MSL2: variants seen among roughly 807,000 people sequenced by gnomAD.
MSL2 encodes the protein MSL complex subunit 2, also known as E3 ubiquitin-protein ligase MSL2.
Under a neutral mutation model 35.8 loss-of-function variants are expected in MSL2, and 2 were observed. The observed-to-expected ratio is 0.06, with a 90% CI of 0.02 to 0.18. The LOEUF is 0.18. Among genes scored for constraint, MSL2 ranks in the 10% least tolerant of loss-of-function variants. The pLI, the probability that MSL2 is intolerant of heterozygous loss-of-function variation, is 1.00. For synonymous variants in MSL2, 296 were observed against 255.7 expected (o/e 1.16, Z -1.50); for missense variants, 523 against 706.7 (o/e 0.74, Z 2.95).
At chr3:136,188,377 T>A (rs112603876) in intron 1 of MSL2, among the ~76,000 whole-genome samples, 1 of 148,552 alleles carries the variant, frequency 6.7e-6, no homozygotes, top group Non-Finnish European at 1.5e-5. Context: ...GAGGTTGCAG[T>A]GAGCCGAGAT....
chr3:136,181,458 T>TA (rs1940360474), intron 1 of MSL2, among the ~76,000 whole-genome samples: 1 of 152,202 alleles, frequency 6.6e-6, no homozygotes, highest in Non-Finnish European at 1.5e-5. Flanking sequence ...TAAAGGAAGA[T>TA]AAACATTTAA....
intron 1 of MSL2, among the ~76,000 whole-genome samples, chr3:136,177,534 C>T (rs563136791): frequency 6.6e-6 from 1 of 151,958 alleles, no homozygotes; most frequent in Admixed American, 6.6e-5. Flanking sequence ...ACAAAATTAG[C>T]CGGGCATGGT....
intron 1 of MSL2, among the ~76,000 whole-genome samples, chr3:136,189,108 CAAAAA>C (rs372715974): frequency 1.0e-4 from 4 of 38,606 alleles, no homozygotes; most frequent in African/African-American, 4.0e-4. Flanking sequence ...CCTGTCTCTA[CAAAAA>C]AAAAAAAAAA....
chr3:136,168,296 A>AC (rs1225134696), intron 1 of MSL2, among the ~76,000 whole-genome samples: 2 of 152,208 alleles, frequency 1.3e-5, no homozygotes, highest in Non-Finnish European at 2.9e-5. Flanking sequence ...AAATGGGATA[A>AC]CAACAGTCGT....
chr3:136,174,527 T>C (rs958801219), intron 1 of MSL2, among the ~76,000 whole-genome samples: 1 of 151,832 alleles, frequency 6.6e-6, no homozygotes, highest in African/African-American at 2.4e-5. Context: ...AAAGAAGAAA[T>C]AGGAACAGGT....
At chr3:136,163,011 T>A (rs1333839058) in intron 1 of MSL2, among the ~76,000 whole-genome samples, 1 of 151,676 alleles carries the variant, frequency 6.6e-6, no homozygotes, top group Non-Finnish European at 1.5e-5. Context: ...GGAAAGTTGT[T>A]AAGAGAGAAA....
intron 1 of MSL2, among the ~76,000 whole-genome samples, chr3:136,182,420 G>A (rs531553828): frequency 6.6e-6 from 1 of 152,250 alleles, no homozygotes; most frequent in Non-Finnish European, 1.5e-5. Context: ...AAATATTGAC[G>A]AACAGGCGGC....
chr3:136,192,806 T>C (rs1250036455), intron 1 of MSL2, among the ~76,000 whole-genome samples: 1 of 152,312 alleles, frequency 6.6e-6, no homozygotes, highest in East Asian at 1.9e-4. Flanking sequence ...AGACTGCCCA[T>C]CCACGAATTT....
intron 1 of MSL2, among the ~76,000 whole-genome samples, chr3:136,190,635 T>G (rs568425795): frequency 6.6e-6 from 1 of 152,322 alleles, no homozygotes; most frequent in South Asian, 2.1e-4. Context: ...CCATTTAACA[T>G]GACCCTCCAA....
At position 136,195,451 on chromosome 3, in the gene MSL2, C is replaced by A; in HGVS notation, c.-338G>T. 1 of 1,043,644 alleles carries A rather than the reference C, an allele frequency of 9.6e-7. No homozygotes were observed. Among genetic ancestry groups the A allele is most frequent in the Non-Finnish European group, 1.2e-6 (1 of 867,088 alleles). 64.6% of individuals were successfully genotyped at this position (1,043,644 alleles called of 1,614,324 possible). Reference sequence around the variant, plus strand: ...AGCTCAGTCTAGCCCCGCGGCTCGGCAGGCGGCCTGCACTCGAGCTCCATC... The same window carrying A: ...AGCTCAGTCTAGCCCCGCGGCTCGGAAGGCGGCCTGCACTCGAGCTCCATC... On this transcript the variant is annotated 5_prime_UTR_variant, in exon 1 of 2. Coordinates refer to ENST00000309993, the MANE Select transcript of MSL2 (RefSeq NM_018133.4).
At chr3:136,164,466 T>G (rs1314706185) in intron 1 of MSL2, among the ~76,000 whole-genome samples, 2 of 152,214 alleles carry the variant, frequency 1.3e-5, no homozygotes, top group African/African-American at 4.8e-5. Flanking sequence ...GCAAACTAAC[T>G]TTATGCACTC....
intron 1 of MSL2, among the ~76,000 whole-genome samples, chr3:136,169,692 A>G (rs377569438): frequency 1.9e-3 from 288 of 152,006 alleles, no homozygotes; most frequent in African/African-American, 6.6e-3. Flanking sequence ...ACCTCAGGTG[A>G]TCCACCTGCC....
chr3:136,165,760 A>G (rs1324313545), intron 1 of MSL2, among the ~76,000 whole-genome samples: 1 of 152,180 alleles, frequency 6.6e-6, no homozygotes, highest in African/African-American at 2.4e-5. Flanking sequence ...CCAGATTAAG[A>G]TTTAATTGTT....
chr3:136,170,186 T>A (rs1052844449), intron 1 of MSL2, among the ~76,000 whole-genome samples: 2 of 150,522 alleles, frequency 1.3e-5, no homozygotes, highest in African/African-American at 2.4e-5. Context: ...TACTTAAAAA[T>A]ATATATATAT....
At chr3:136,193,925 T>C (rs895089528) in intron 1 of MSL2, among the ~76,000 whole-genome samples, 1 of 152,218 alleles carries the variant, frequency 6.6e-6, no homozygotes, top group Non-Finnish European at 1.5e-5. Context: ...AGGATCTAGA[T>C]AGAGAATGCT....
chr3:136,155,948 G>A (rs1390798887), intron 1 of MSL2: 2 of 502,740 alleles, frequency 4.0e-6, no homozygotes, highest in Non-Finnish European at 8.0e-6. Context: ...ACTACTGTCT[G>A]CATGTACCAC....
Position 136,195,720 on chromosome 3 carries a change from C to A in MSL2, c.-607G>T. The A allele has an allele frequency of 3.0e-6, 3 of 985,232 alleles. No individual in the cohort carries two copies. The highest frequency in any genetic ancestry group is 3.6e-6 in the Non-Finnish European group (3 of 829,872). The allele number at this position is 985,232 out of a possible 1,614,324, so 61.0% of individuals were successfully genotyped here. ...CTGGCGGACGCCGCCGCCGCGCTCT[C>A]CATATCGGACGCGGGGCCCAGACTG... On this transcript the variant is annotated 5_prime_UTR_variant, in exon 1 of 2. An upstream open reading frame in the 5' UTR gains an earlier in-frame stop. Coordinates refer to ENST00000309993, the MANE Select transcript of MSL2 (RefSeq NM_018133.4).
At chr3:136,178,432 C>A (rs531552484) in intron 1 of MSL2, among the ~76,000 whole-genome samples, 27 of 152,190 alleles carry the variant, frequency 1.8e-4, no homozygotes, top group African/African-American at 6.3e-4. Context: ...TGCTTTATTA[C>A]CCTCTTAAGA....
chr3:136,156,285 G>A (rs903299492), intron 1 of MSL2, among the ~76,000 whole-genome samples: 6 of 152,156 alleles, frequency 3.9e-5, no homozygotes, highest in African/African-American at 1.4e-4. Context: ...CCTCTTTAAG[G>A]GGAGGAACCA....
Sources: allele counts gnomAD v4.1 joint callset (sites outside exome capture counted in the v4.1 genomes callset), GRCh38; gene constraint gnomAD v4.1.1; transcripts MANE v1.5; gene names NCBI Gene and HGNC (gene_info 2026-07-23, HGNC 2026-07-21).